Variants in PCGF5 observed in about 807,000 individuals in gnomAD.
The protein encoded by PCGF5 is polycomb group RING finger protein 5.
PCGF5 carries 9 observed loss-of-function variants against 44.3 expected under a neutral mutation model. The ratio of observed to expected loss-of-function variants is 0.20; its 90% CI spans 0.12 to 0.35. The LOEUF (loss-of-function observed/expected upper bound fraction) is 0.35, where lower values mean the gene tolerates loss of function less well. Ranked by LOEUF, PCGF5 falls within the 10% of genes least tolerant of loss-of-function variation. The pLI is 1.00. For missense variants in PCGF5, 146 were observed against 305.3 expected (o/e 0.48, Z 3.89); for synonymous variants, 95 against 102.5 (o/e 0.93, Z 0.44).
chr10:91,173,473 A>T (rs925579584), intron 1 of PCGF5, among the ~76,000 whole-genome samples: 2 of 152,156 alleles, frequency 1.3e-5, no homozygotes, highest in Non-Finnish European at 2.9e-5. Context: ...AATGAATTTT[A>T]AAAAGTGAAC....
intron 1 of PCGF5, among the ~76,000 whole-genome samples, chr10:91,163,559 T>C (rs1843434533): frequency 6.6e-6 from 1 of 151,800 alleles, no homozygotes; most frequent in Non-Finnish European, 1.5e-5. Flanking sequence ...GCTCGGGCCC[T>C]TCCCCCGCCG....
chr10:91,194,131 A>T (rs1262686920), intron 1 of PCGF5, among the ~76,000 whole-genome samples: 1 of 152,158 alleles, frequency 6.6e-6, no homozygotes, highest in African/African-American at 2.4e-5. Context: ...TTAAAGATGC[A>T]GAGTGTGGTA....
upstream of PCGF5, among the ~76,000 whole-genome samples, chr10:91,219,058 A>T (rs545918992): frequency 2.0e-5 from 3 of 152,316 alleles, no homozygotes; most frequent in South Asian, 6.2e-4. Flanking sequence ...GCGAAACCAC[A>T]GAACACTTAA....
rs967851102 is a variant in PCGF5, at chr10:91,251,551, A to G, written c.474+111A>G. 30 of 1,022,938 alleles carry G rather than the reference A, an allele frequency of 2.9e-5. No homozygotes were observed. In the African/African-American group the frequency reaches 4.8e-4, roughly 16 times the overall value. 63.4% of individuals were successfully genotyped at this position (1,022,938 alleles called of 1,614,324 possible). A position where few individuals can be genotyped will look rare whatever the true frequency, so the allele number is the denominator to read the frequency against. On this transcript the variant is annotated intron_variant, in intron 6 of 9. Coordinates refer to ENST00000336126, the MANE Select transcript of PCGF5 (RefSeq NM_032373.5). Reference sequence around the variant, plus strand: ...AATGTTTGCTTTCAAAGTTTTAATTAACATAATTAAATAAAATGCCATTCT... The same window carrying G: ...AATGTTTGCTTTCAAAGTTTTAATTGACATAATTAAATAAAATGCCATTCT...
At chr10:91,182,448 T>C (rs1038493129) in intron 1 of PCGF5, among the ~76,000 whole-genome samples, 2 of 152,160 alleles carry the variant, frequency 1.3e-5, no homozygotes, top group South Asian at 4.1e-4. Context: ...ATCTTCTTTA[T>C]TAGTTTAGCT....
intron 2 of PCGF5, among the ~76,000 whole-genome samples, chr10:91,224,662 C>T (rs1302749040): frequency 6.6e-6 from 1 of 152,028 alleles, no homozygotes; most frequent in African/African-American, 2.4e-5. Context: ...GGAAAGCAGT[C>T]TGTATAAAGG....
At chr10:91,203,020 A>G (rs1844280783) in intron 1 of PCGF5, among the ~76,000 whole-genome samples, 2 of 152,212 alleles carry the variant, frequency 1.3e-5, no homozygotes, top group Admixed American at 1.3e-4. Context: ...GATTTAAAAA[A>G]GCAAGAAAGC....
rs1319080676 is a variant in PCGF5, at chr10:91,279,482, A to G, written c.*1166A>G. 6.6e-6 allele frequency: 1 copy of G among 152,170 alleles called. No homozygotes were observed. Among genetic ancestry groups the G allele is most frequent in the Non-Finnish European group, 1.5e-5 (1 of 67,988 alleles). 9.4% of individuals were successfully genotyped at this position (152,170 alleles called of 1,614,324 possible). A position where few individuals can be genotyped will look rare whatever the true frequency, so the allele number is the denominator to read the frequency against. Reference sequence around the variant, plus strand: ...GGGGAAATGAGAAGATTATTATTTTATACATGAGTTCATTAAGATCAGAAA... The same window carrying G: ...GGGGAAATGAGAAGATTATTATTTTGTACATGAGTTCATTAAGATCAGAAA... On this transcript the variant is annotated 3_prime_UTR_variant, in exon 10 of 10. Coordinates refer to ENST00000336126, the MANE Select transcript of PCGF5 (RefSeq NM_032373.5).
chr10:91,245,348 ACTTT>A (rs1238461422), intron 3 of PCGF5, among the ~76,000 whole-genome samples: 1 of 152,128 alleles, frequency 6.6e-6, no homozygotes, highest in Non-Finnish European at 1.5e-5. Flanking sequence ...TGAAAAGAGC[ACTTT>A]CTTTAGAGCT....
At chr10:91,220,934 C>G (rs1844656864) in intron 1 of PCGF5, 98 bp downstream of exon 1, 1 of 152,436 alleles carries the variant, frequency 6.6e-6, no homozygotes, top group African/African-American at 2.4e-5. Flanking sequence ...CCTGCCCTGG[C>G]CGGCCCAGCC....
intron 1 of PCGF5, among the ~76,000 whole-genome samples, chr10:91,163,513 C>T (rs1002957012): frequency 3.9e-5 from 6 of 151,976 alleles, no homozygotes; most frequent in Non-Finnish European, 8.8e-5. Flanking sequence ...CCGGCAGCAG[C>T]GGCGCCTCCG....
At chr10:91,272,976 T>C (rs1055651422) in intron 9 of PCGF5, among the ~76,000 whole-genome samples, 51 of 152,208 alleles carry the variant, frequency 3.4e-4, no homozygotes, top group African/African-American at 1.2e-3. Context: ...AAGAATCACT[T>C]GAAATTGCTA....
At chr10:91,180,475 T>A (rs190309113) in intron 1 of PCGF5, among the ~76,000 whole-genome samples, 153 of 152,346 alleles carry the variant, frequency 1.0e-3, no homozygotes, top group Admixed American at 2.6e-3. Flanking sequence ...TTTTTTGTTT[T>A]ACATTTAAGC....
At chr10:91,164,564 TAAAAG>T (rs1300756761) in intron 1 of PCGF5, among the ~76,000 whole-genome samples, 3 of 152,198 alleles carry the variant, frequency 2.0e-5, no homozygotes, top group Non-Finnish European at 4.4e-5. Context: ...AAGTGGATCT[TAAAAG>T]AAGACTCCTT....
At chr10:91,229,184 A>G (rs1844934597) in intron 2 of PCGF5, among the ~76,000 whole-genome samples, 3 of 152,218 alleles carry the variant, frequency 2.0e-5, no homozygotes, top group African/African-American at 7.2e-5. Flanking sequence ...ACAGATGTTC[A>G]TTAACTTTTA....
chr10:91,216,273 A>C (rs1277322583), upstream of PCGF5, among the ~76,000 whole-genome samples: 1 of 152,216 alleles, frequency 6.6e-6, no homozygotes, highest in Non-Finnish European at 1.5e-5. Context: ...GACCTTTGAA[A>C]TCAGCTAATA....
chr10:91,257,929 A>G (rs1265831581), intron 6 of PCGF5, among the ~76,000 whole-genome samples: 2 of 152,176 alleles, frequency 1.3e-5, no homozygotes, highest in Non-Finnish European at 2.9e-5. Flanking sequence ...TGATGAATGG[A>G]AAAGCAGAAT....
chr10:91,245,489 TG>T (rs908240186), intron 3 of PCGF5, among the ~76,000 whole-genome samples: 28 of 150,974 alleles, frequency 1.9e-4, no homozygotes, highest in Non-Finnish European at 2.1e-4. Flanking sequence ...AGAAATGGGG[TG>T]GGGGGGTGCT....
At chr10:91,165,651 AACTCTG>A (rs1192626646) in intron 1 of PCGF5, among the ~76,000 whole-genome samples, 1 of 152,236 alleles carries the variant, frequency 6.6e-6, no homozygotes, top group Non-Finnish European at 1.5e-5. Context: ...CAGAGGCCTT[AACTCTG>A]ATTTGTTGTT....
Sources: allele counts gnomAD v4.1 joint callset (sites outside exome capture counted in the v4.1 genomes callset), GRCh38; gene constraint gnomAD v4.1.1; transcripts MANE v1.5; gene names NCBI Gene and HGNC (gene_info 2026-07-23, HGNC 2026-07-21).